Variants in DEK observed in about 807,000 individuals in gnomAD.
The protein encoded by DEK is protein DEK.
In DEK, 28 loss-of-function variants were observed where a neutral mutation model predicts 46.8. The observed-to-expected ratio is 0.60, with a 90% confidence interval of 0.44 to 0.82. The LOEUF (loss-of-function observed/expected upper bound fraction) is 0.82, where lower values mean the gene tolerates loss of function less well. Among genes scored for constraint, DEK ranks in the 40% least tolerant of loss-of-function variants. DEK has a pLI of 0.00. For missense variants in DEK, 416 were observed against 430.6 expected (o/e 0.97, Z 0.30); for synonymous variants, 160 against 144.5 (o/e 1.11, Z -0.77).
intron 9 of DEK, among the ~76,000 whole-genome samples, chr6:18,231,304 AAG>A (rs1303784547): frequency 6.6e-6 from 1 of 152,190 alleles, no homozygotes; most frequent in Admixed American, 6.5e-5. Flanking sequence ...TCACAATTAA[AAG>A]AACTAGAGAA....
rs999610922 is a variant in DEK, at chr6:18,225,556, A to C, written c.*163T>G. 3 of 662,630 alleles carry C rather than the reference A, an allele frequency of 4.5e-6. No homozygotes were observed. Among genetic ancestry groups the C allele is most frequent in the Non-Finnish European group, 7.2e-6 (3 of 416,506 alleles). The allele number at this position is 662,630 out of a possible 1,614,324, so 41.0% of individuals were successfully genotyped here. Reference sequence around the variant, plus strand: ...CATAGAAATGCAATTTAAAACAGCAAACTCAAATTCACATAACACTCAAGA... The same window carrying C: ...CATAGAAATGCAATTTAAAACAGCACACTCAAATTCACATAACACTCAAGA... On this transcript the variant is annotated 3_prime_UTR_variant, in exon 11 of 11. Transcript: ENST00000652689.
intron 9 of DEK, among the ~76,000 whole-genome samples, chr6:18,233,112 A>AT (rs1426270496): frequency 1.3e-5 from 2 of 152,242 alleles, no homozygotes; most frequent in East Asian, 3.8e-4. Context: ...AGGATTCCCT[A>AT]TTTAATAAAT....
intron 9 of DEK, among the ~76,000 whole-genome samples, chr6:18,235,538 A>C (rs1205438077): frequency 6.6e-6 from 1 of 152,360 alleles, no homozygotes; most frequent in African/African-American, 2.4e-5. Flanking sequence ...ATTCTAACAC[A>C]GCCCTCGCTT....
In DEK at chr6:18,246,708, C is replaced by T. The variant is rs531837931; in HGVS notation, c.762+2943G>A. Among the ~76,000 whole-genome samples, 22 of 152,234 alleles carry T rather than the reference C, an allele frequency of 1.4e-4. No individual in the cohort carries two copies. In the South Asian group the frequency reaches 3.7e-3, roughly 26 times the overall value. ...CCTCATATAATTAGCCAAAGGAGAA[C>T]TATAAACTTACTCGGCTTGCATAAG... On this transcript the variant is annotated intron_variant, in intron 7 of 10. Coordinates refer to ENST00000652689, the MANE Select transcript of DEK (RefSeq NM_003472.4).
chr6:18,239,982 A>C (rs1239326111), intron 7 of DEK, among the ~76,000 whole-genome samples: 2 of 152,230 alleles, frequency 1.3e-5, no homozygotes, highest in Non-Finnish European at 2.9e-5. Flanking sequence ...TATTACTGAA[A>C]GGGTTGAAGG....
chr6:18,239,361 T>TA (rs377497301), intron 7 of DEK, among the ~76,000 whole-genome samples: 13,315 of 120,466 alleles, frequency 0.11, 1,231 homozygotes, highest in Non-Finnish European at 0.17. Context: ...TTTTTTTTTT[T>TA]AAAAAAAAGA....
chr6:18,260,361 G>A (rs1791801935), intron 2 of DEK, among the ~76,000 whole-genome samples: 1 of 152,138 alleles, frequency 6.6e-6, no homozygotes, highest in South Asian at 2.1e-4. Flanking sequence ...GGAACCCACA[G>A]ATATGGAGAG....
chr6:18,242,998 C>T (rs1365754589), intron 7 of DEK, among the ~76,000 whole-genome samples: 5 of 152,236 alleles, frequency 3.3e-5, no homozygotes, highest in African/African-American at 7.2e-5. Flanking sequence ...GGGTGGGAAA[C>T]GTGAACAGAA....
At chr6:18,257,840 G>T in intron 4 of DEK, 113 bp downstream of exon 4, 2 of 641,332 alleles carry the variant, frequency 3.1e-6, no homozygotes, top group Non-Finnish European at 5.1e-6. Flanking sequence ...ATATACCTCA[G>T]TCTGCTCAGT....
intron 10 of DEK, 119 bp from the exon 11 acceptor site, chr6:18,225,849 C>G: frequency 4.1e-6 from 5 of 1,208,214 alleles, no homozygotes; most frequent in Admixed American, 2.0e-5. Flanking sequence ...AGAATTACAG[C>G]TACCTGCTGA....
At chr6:18,262,232 G>A (rs986500543) in intron 2 of DEK, among the ~76,000 whole-genome samples, 5 of 149,512 alleles carry the variant, frequency 3.3e-5, no homozygotes, top group Non-Finnish European at 7.4e-5. Context: ...GCAGAACCAC[G>A]AATCAATAAA....
intron 5 of DEK, 138 bp downstream of exon 5, chr6:18,256,223 G>A: frequency 1.5e-6 from 1 of 669,480 alleles, no homozygotes; most frequent in Admixed American, 3.1e-5. Flanking sequence ...CTGACCTCAG[G>A]TGATACGCCC....
chr6:18,224,966 C>T lies in DEK; in HGVS notation c.*753G>A, dbSNP rs900588056. On this transcript the variant is annotated 3_prime_UTR_variant, in exon 11 of 11. Coordinates refer to ENST00000652689, the MANE Select transcript of DEK (RefSeq NM_003472.4). ...TCGAGGCAAAGCAGGGTAACTGTTC[C>T]TTCAGTGTTGCCATCACTGAATTGA... The T allele has an allele frequency of 3.2e-5, 7 of 216,896 alleles. No individual in the cohort carries two copies. Among genetic ancestry groups the T allele is most frequent in the Non-Finnish European group, 5.6e-5 (6 of 107,498 alleles). 13.4% of individuals were successfully genotyped at this position (216,896 alleles called of 1,614,324 possible). A position where few individuals can be genotyped will look rare whatever the true frequency, so the allele number is the denominator to read the frequency against.
chr6:18,238,148 C>T (rs138591011), intron 7 of DEK, among the ~76,000 whole-genome samples: 92 of 152,056 alleles, frequency 6.1e-4, no homozygotes, highest in African/African-American at 2.2e-3. Context: ...GGATTACAGG[C>T]ATGAGCCACC....
At chr6:18,258,178 A>G (rs1791684434) in intron 3 of DEK, 116 bp from the exon 4 acceptor site, 3 of 1,087,150 alleles carry the variant, frequency 2.8e-6, no homozygotes, top group Non-Finnish European at 4.0e-6. Context: ...GCTCTTACAG[A>G]GCAAATTAAA....
chr6:18,261,495 C>T (rs1375758778), intron 2 of DEK, among the ~76,000 whole-genome samples: 1 of 152,090 alleles, frequency 6.6e-6, no homozygotes, highest in African/African-American at 2.4e-5. Context: ...TCCCTTGAAC[C>T]AGGAGGCAGA....
intron 9 of DEK, among the ~76,000 whole-genome samples, chr6:18,233,575 C>T (rs1452111392): frequency 2.0e-5 from 3 of 152,166 alleles, no homozygotes; most frequent in African/African-American, 7.2e-5. Context: ...GACATTTATG[C>T]AGCCAACAGA....
rs530765962 is a variant in DEK at position 18,226,681 on chromosome 6, G to A, written c.1048-439C>T. 2.0e-5 allele frequency among the ~76,000 whole-genome samples: 3 copies of A among 152,316 alleles called. 1 individual carries two copies. The East Asian group carries it at 5.8e-4, about 29-fold the overall frequency. ...TGTAATCCCAGCTACTGAGGAGGGTGAAGCAGGAGGATGGCTTGGGCCCAG... is the reference window on the plus strand; with the variant it reads ...TGTAATCCCAGCTACTGAGGAGGGTAAAGCAGGAGGATGGCTTGGGCCCAG... On this transcript the variant is annotated intron_variant, in intron 9 of 10. Coordinates refer to ENST00000652689, the MANE Select transcript of DEK (RefSeq NM_003472.4).
At chr6:18,246,022 G>T (rs903363120) in intron 7 of DEK, among the ~76,000 whole-genome samples, 7 of 152,038 alleles carry the variant, frequency 4.6e-5, no homozygotes, top group African/African-American at 1.7e-4. Flanking sequence ...CCATGATTGT[G>T]AGGCCACCCC....
Sources: allele counts gnomAD v4.1 joint callset (sites outside exome capture counted in the v4.1 genomes callset), GRCh38; gene constraint gnomAD v4.1.1; transcripts MANE v1.5; gene names NCBI Gene and HGNC (gene_info 2026-07-23, HGNC 2026-07-21).